Variants in DNAH17 observed in about 807,000 individuals in gnomAD.
DNAH17 encodes the protein dynein axonemal heavy chain 17.
In DNAH17, 376 loss-of-function variants were observed where a neutral mutation model predicts 485.6. The observed-to-expected ratio is 0.77, with a 90% CI of 0.71 to 0.84. The LOEUF (loss-of-function observed/expected upper bound fraction) is 0.84, where lower values mean the gene tolerates loss of function less well. Among genes scored for constraint, DNAH17 ranks in the 40% least tolerant of loss-of-function variants. DNAH17 has a pLI of 0.00. For missense variants in DNAH17, 6,370 were observed against 5,839.3 expected, an observed-to-expected ratio of 1.09 and a Z score of -2.96; for synonymous variants, 3,031 against 2,405.9, an observed-to-expected ratio of 1.26 and a Z score of -7.60.
chr17:78,429,240 C>T lies in DNAH17; in HGVS notation c.12286G>A (p.Asp4096Asn). 6.2e-7 allele frequency: 1 copy of T among 1,613,970 alleles called. No homozygotes were observed. The highest frequency in any genetic ancestry group is 2.2e-5 in the East Asian group (1 of 44,884). ...CTGCACAGCCGACGGTCCCAGTCAT[C>T]TGTGATGTGGCCGCCATACATGATT... Reference protein sequence around the residue: ...GEIMYGGHITDDWDRRLCRTY... With the variant: ...GEIMYGGHITNDWDRRLCRTY... Residue 4096 changes from aspartate to asparagine, a missense_variant, in exon 76 of 81, where the codon GAT (aspartate) becomes AAT (asparagine). Transcript: ENST00000389840.
chr17:78,506,646 T>A, intron 30 of DNAH17, 74 bp downstream of exon 30: 1 of 1,603,370 alleles, frequency 6.2e-7, no homozygotes, highest in Non-Finnish European at 8.5e-7. Context: ...CCTAGGGCGG[T>A]TGAGGTAGAG....
intron 68 of DNAH17, 144 bp downstream of exon 68, chr17:78,450,110 G>T: frequency 1.0e-6 from 1 of 992,334 alleles, no homozygotes; most frequent in Non-Finnish European, 1.5e-6. Context: ...CCCTCTTCCA[G>T]CTCCATCTGC....
chr17:78,481,796 C>G (rs567661430), intron 48 of DNAH17, among the ~76,000 whole-genome samples: 1 of 152,248 alleles, frequency 6.6e-6, no homozygotes. Context: ...GGGCAGATCA[C>G]TTGAGGTCAG....
intron 19 of DNAH17, among the ~76,000 whole-genome samples, chr17:78,533,808 C>T (rs1011901985): frequency 6.6e-6 from 1 of 152,142 alleles, no homozygotes; most frequent in Non-Finnish European, 1.5e-5. Context: ...CCTCAGCCTC[C>T]CAAATAGCTG....
At chr17:78,568,045 C>T (rs918726136) in intron 9 of DNAH17, among the ~76,000 whole-genome samples, 10 of 152,210 alleles carry the variant, frequency 6.6e-5, no homozygotes, top group Non-Finnish European at 1.5e-4. Context: ...CCCGAGGAGA[C>T]AGGCACCGAG....
At chr17:78,564,846 C>T (rs748668959) in intron 11 of DNAH17, among the ~76,000 whole-genome samples, 1 of 152,058 alleles carries the variant, frequency 6.6e-6, no homozygotes, top group African/African-American at 2.4e-5. Flanking sequence ...AAGGCCATTG[C>T]TGAGAAGGGA....
intron 49 of DNAH17, among the ~76,000 whole-genome samples, chr17:78,480,025 TTTTTTTTTTTTTTTTTTTTTTTTTA>T (rs1350731515): frequency 1.9e-5 from 1 of 52,554 alleles, no homozygotes; most frequent in East Asian, 5.1e-4. Flanking sequence ...TTTTTTTTTT[TTTTTTTTTTTTTTTTTTTTTTTTTA>T]AAAAAAGTAT....
At chr17:78,510,261 G>T in intron 27 of DNAH17, 123 bp downstream of exon 27, 1 of 1,405,246 alleles carries the variant, frequency 7.1e-7, no homozygotes, top group East Asian at 2.3e-5. Context: ...GGTAAGAAAG[G>T]CCCGCCAGAC....
chr17:78,496,052 G>A lies in DNAH17; in HGVS notation c.5746-20C>T. On this transcript the variant is annotated intron_variant, in intron 37 of 80. Transcript: ENST00000389840. ...TTTTACCTGCACGGTTGGTGACACAGACATGTTAGCATGGAAATGGCCAGC... is the reference window on the plus strand; with the variant it reads ...TTTTACCTGCACGGTTGGTGACACAAACATGTTAGCATGGAAATGGCCAGC... The A allele has an allele frequency of 6.2e-7, 1 of 1,605,440 alleles. No homozygotes were observed. Among genetic ancestry groups the A allele is most frequent in the Non-Finnish European group, 8.5e-7 (1 of 1,173,670 alleles).
chr17:78,462,215 C>T (rs1276214690), intron 57 of DNAH17, among the ~76,000 whole-genome samples: 1 of 114,246 alleles, frequency 8.8e-6, no homozygotes, highest in Non-Finnish European at 1.7e-5. Context: ...TGGCCAGGGC[C>T]CCTCCAGGCT....
chr17:78,442,053 A>G (rs944856319), intron 71 of DNAH17, among the ~76,000 whole-genome samples: 1 of 150,942 alleles, frequency 6.6e-6, no homozygotes. Flanking sequence ...ATTGCACTCC[A>G]GCCTGGGCAA....
intron 25 of DNAH17, chr17:78,522,553 A>G (rs1213960904): frequency 1.3e-5 from 4 of 297,638 alleles, no homozygotes; most frequent in African/African-American, 9.3e-5. Context: ...AGTCACACCC[A>G]TGTTGGAGCT....
At position 78,453,439 on chromosome 17, in the gene DNAH17, A is replaced by G; in HGVS notation, c.10433T>C (p.Ile3478Thr). Residue 3478 changes from isoleucine to threonine, a missense_variant, in exon 65 of 81, where the codon ATC becomes ACC. Transcript: ENST00000389840. Reference sequence around the variant, plus strand: ...AATGAGCAAGGTGTCCCCTTCCGAGATGGCCTGCTCGATGACATCCAGGTA... The same window carrying G: ...AATGAGCAAGGTGTCCCCTTCCGAGGTGGCCTGCTCGATGACATCCAGGTA... ...KSYLDVIEQAISEGDTLLIEN... is the reference protein window; with the variant it reads ...KSYLDVIEQATSEGDTLLIEN... The G allele has an allele frequency of 6.2e-7, 1 of 1,613,934 alleles. No homozygotes were observed. Among genetic ancestry groups the G allele is most frequent in the South Asian group, 1.1e-5 (1 of 91,066 alleles).
intron 52 of DNAH17, among the ~76,000 whole-genome samples, 176 bp downstream of exon 52, chr17:78,476,396 G>A (rs566922981): frequency 2.0e-5 from 3 of 151,736 alleles, no homozygotes; most frequent in South Asian, 2.1e-4. Flanking sequence ...GAGTTATCGC[G>A]TGGAACCCTC....
chr17:78,572,126 A>G (rs1229193034), intron 3 of DNAH17, among the ~76,000 whole-genome samples: 3 of 152,126 alleles, frequency 2.0e-5, no homozygotes, highest in Non-Finnish European at 4.4e-5. Context: ...GGGCTTTGTG[A>G]ATGATCAGTG....
Position 78,453,443 on chromosome 17 carries a change from C to T in DNAH17, c.10429G>A (p.Ala3477Thr). 1 of 1,613,916 alleles carries T rather than the reference C, an allele frequency of 6.2e-7. No individual in the cohort carries two copies. Among genetic ancestry groups the T allele is most frequent in the Non-Finnish European group, 8.5e-7 (1 of 1,179,824 alleles). ...QKSYLDVIEQ[A>T]ISEGDTLLIE... Reference sequence around the variant, plus strand: ...AGCAAGGTGTCCCCTTCCGAGATGGCCTGCTCGATGACATCCAGGTAGCTG... The same window carrying T: ...AGCAAGGTGTCCCCTTCCGAGATGGTCTGCTCGATGACATCCAGGTAGCTG... Residue 3477 changes from alanine to threonine, a missense_variant, in exon 65 of 81, where the codon GCC (alanine) becomes ACC (threonine). Transcript: ENST00000389840.
In DNAH17 at chr17:78,476,643, T is replaced by C. The variant is rs1430057145; in HGVS notation, c.8083A>G (p.Lys2695Glu). Residue 2695 changes from lysine (K) to glutamate (E), a missense_variant, in exon 52 of 81, where the codon AAA (lysine) becomes GAA (glutamate). Transcript: ENST00000389840. ...LHETERVYGD[K>E]MVDEKDQETL... ...TCCTGGTCTTTTTCGTCAACCATTTTGTCACCATACACTCGTTCAGTCTCA... is the reference window on the plus strand; with the variant it reads ...TCCTGGTCTTTTTCGTCAACCATTTCGTCACCATACACTCGTTCAGTCTCA... The C allele has an allele frequency of 1.2e-6, 2 of 1,612,580 alleles. No homozygotes were observed. Among genetic ancestry groups the C allele is most frequent in the Admixed American group, 1.7e-5 (1 of 59,806 alleles).
intron 26 of DNAH17, among the ~76,000 whole-genome samples, chr17:78,512,775 C>T (rs925659219): frequency 6.6e-6 from 1 of 151,944 alleles, no homozygotes; most frequent in Non-Finnish European, 1.5e-5. Flanking sequence ...CCTGTCTCTA[C>T]TAAAAATACA....
At chr17:78,557,120 C>T (rs1382926731) in intron 14 of DNAH17, among the ~76,000 whole-genome samples, 1 of 152,076 alleles carries the variant, frequency 6.6e-6, no homozygotes, top group African/African-American at 2.4e-5. Flanking sequence ...GAATCAAGGC[C>T]AAAAAGGAGT....
Sources: allele counts gnomAD v4.1 joint callset (sites outside exome capture counted in the v4.1 genomes callset), GRCh38; gene constraint gnomAD v4.1.1; transcripts MANE v1.5; gene names NCBI Gene and HGNC (gene_info 2026-07-23, HGNC 2026-07-21).